Variants in BIN3 observed in about 807,000 individuals in gnomAD.
BIN3 encodes the protein bridging integrator 3.
A neutral mutation model predicts 38.2 loss-of-function variants in BIN3; 41 were observed. The observed-to-expected ratio is 1.07, with a 90% confidence interval of 0.84 to 1.39. The LOEUF (loss-of-function observed/expected upper bound fraction) is 1.39. Among genes scored for constraint, BIN3 ranks in the 40% most tolerant of loss-of-function variants. BIN3 has a pLI of 0.00. For missense variants in BIN3, 361 were observed against 324.3 expected (o/e 1.11, Z -0.87); for synonymous variants, 145 against 122.6 (o/e 1.18, Z -1.21).
intron 4 of BIN3, 68 bp from the exon 5 acceptor site, chr8:22,630,646 C>G: frequency 1.3e-6 from 2 of 1,578,614 alleles, no homozygotes; most frequent in Non-Finnish European, 1.7e-6. Context: ...TCTCCAGGAC[C>G]CCGTCCTCCT....
At chr8:22,621,602 C>T (rs1403536161) in intron 8 of BIN3, 34 bp from the exon 9 acceptor site, 1 of 1,605,750 alleles carries the variant, frequency 6.2e-7, no homozygotes, top group Non-Finnish European at 8.5e-7. Flanking sequence ...CACGTGCTGG[C>T]TCCAGGGAAC....
intron 3 of BIN3, 56 bp from the exon 4 acceptor site, chr8:22,636,642 A>G (rs767784073): frequency 5.9e-6 from 9 of 1,519,720 alleles, no homozygotes; most frequent in Non-Finnish European, 8.0e-6. Context: ...TACCTGAGCG[A>G]AGCCCAGGTG....
chr8:22,623,349 C>T (rs955090696), intron 8 of BIN3, among the ~76,000 whole-genome samples: 2 of 152,200 alleles, frequency 1.3e-5, no homozygotes, highest in South Asian at 2.1e-4. Context: ...GTGTCTGACC[C>T]CCAGTGGCGC....
intron 1 of BIN3, among the ~76,000 whole-genome samples, chr8:22,652,148 CT>C (rs1338989799): frequency 1.3e-5 from 2 of 151,994 alleles, no homozygotes; most frequent in Non-Finnish European, 2.9e-5. Flanking sequence ...TTCTTCTTCC[CT>C]TTATAGTTTC....
chr8:22,632,794 C>T (rs1301409123), intron 4 of BIN3, among the ~76,000 whole-genome samples: 1 of 151,330 alleles, frequency 6.6e-6, no homozygotes, highest in Admixed American at 6.6e-5. Context: ...CTGCATCCTC[C>T]GCCTCCTGGC....
chr8:22,625,546 C>T, intron 6 of BIN3: 1 of 641,366 alleles, frequency 1.6e-6, no homozygotes, highest in South Asian at 1.7e-5. Context: ...AGCTCAGCTA[C>T]CACACAGAGC....
intron 1 of BIN3, among the ~76,000 whole-genome samples, chr8:22,652,844 T>G (rs1306251643): frequency 6.6e-6 from 1 of 152,240 alleles, no homozygotes; most frequent in Non-Finnish European, 1.5e-5. Flanking sequence ...CCTACATTTT[T>G]GGGCTGCTTA....
intron 8 of BIN3, 112 bp from the exon 9 acceptor site, chr8:22,621,680 T>G: frequency 8.9e-7 from 1 of 1,129,734 alleles, no homozygotes; most frequent in Non-Finnish European, 1.3e-6. Context: ...TCTGGAGCTG[T>G]GCAGCAGCGT....
chr8:22,651,621 A>C (rs1802893765), intron 1 of BIN3, among the ~76,000 whole-genome samples: 1 of 152,208 alleles, frequency 6.6e-6, no homozygotes, highest in Non-Finnish European at 1.5e-5. Flanking sequence ...TTTCAAAGGC[A>C]TTGCTCCCCT....
chr8:22,668,846 C>A (rs1251950622), intron 1 of BIN3, among the ~76,000 whole-genome samples, 198 bp downstream of exon 1: 1 of 152,264 alleles, frequency 6.6e-6, no homozygotes, highest in Non-Finnish European at 1.5e-5. Context: ...ATCCGCCACT[C>A]TCCCCGGGAG....
At position 22,663,440 on chromosome 8, in the gene BIN3, TAAAAAAA is replaced by T. The variant is rs35060338; in HGVS notation, c.8+5597_8+5603del. Among the ~76,000 whole-genome samples the T allele has an allele frequency of 1.0e-3, 129 of 128,656 alleles. 1 individual carries two copies. The highest frequency in any genetic ancestry group is 3.9e-3 in the Middle Eastern group (1 of 254). The allele number at this position is 128,656 out of a possible 152,430, so 84.4% of individuals were successfully genotyped here. ...CAACAGTGAGACCCCCCGATTTGTT[TAAAAAAA>T]AAAAAAAAAAAAAAAGGAAACTATT... On this transcript the variant is annotated intron_variant, in intron 1 of 8. Transcript: ENST00000276416.
intron 6 of BIN3, chr8:22,629,699 A>AG: frequency 1.8e-6 from 1 of 559,488 alleles, no homozygotes. Context: ...AATGACCACC[A>AG]GAACAGCGGC....
At chr8:22,631,381 T>C (rs942641435) in intron 4 of BIN3, among the ~76,000 whole-genome samples, 2 of 152,142 alleles carry the variant, frequency 1.3e-5, no homozygotes, top group African/African-American at 4.8e-5. Context: ...CCTGGGGACT[T>C]GTACGGGACA....
intron 6 of BIN3, chr8:22,625,915 G>C (rs1563944713): frequency 8.2e-6 from 1 of 122,576 alleles, no homozygotes; most frequent in African/African-American, 2.8e-5. Flanking sequence ...AGCAAATCAA[G>C]TGTACATTTG....
At chr8:22,635,644 C>T (rs1802343798) in intron 4 of BIN3, among the ~76,000 whole-genome samples, 1 of 152,122 alleles carries the variant, frequency 6.6e-6, no homozygotes, top group African/African-American at 2.4e-5. Flanking sequence ...CAGCAACAGC[C>T]TGTGCCACTC....
rs981997246 is a variant in BIN3 at position 22,668,010 on chromosome 8, A to G, written c.8+1034T>C. Among the ~76,000 whole-genome samples the G allele has an allele frequency of 5.3e-5, 8 of 152,334 alleles. No individual in the cohort carries two copies. In the South Asian group the frequency reaches 1.7e-3, roughly 32 times the overall value. On this transcript the variant is annotated intron_variant, in intron 1 of 8. Transcript: ENST00000276416. ...GCATAAACAAACACACTAGCCTCTG[A>G]GGACAGAGTGGCAAATATGTTCCCT...
In BIN3 at chr8:22,659,977, AC is replaced by A. The variant is rs1326417166; in HGVS notation, c.8+9066del. On this transcript the variant is annotated intron_variant, in intron 1 of 8. Coordinates refer to ENST00000276416, the MANE Select transcript of BIN3 (RefSeq NM_018688.6). ...GAAGTTACAGAGATTAAGTATACTC[AC>A]CCCCCAAGAATGGTTAGGAAACCTG... Among the ~76,000 whole-genome samples the A allele has an allele frequency of 3.9e-5, 6 of 152,060 alleles. No homozygotes were observed. In the East Asian group the frequency reaches 7.7e-4, roughly 20 times the overall value.
intron 1 of BIN3, among the ~76,000 whole-genome samples, chr8:22,659,634 T>C (rs1203633821): frequency 1.3e-5 from 2 of 152,208 alleles, no homozygotes; most frequent in African/African-American, 4.8e-5. Context: ...TGTCCACTCC[T>C]GCACTTCACA....
chr8:22,664,634 G>C lies in BIN3; in HGVS notation c.8+4410C>G, dbSNP rs62494266. Among the ~76,000 whole-genome samples, 277 of 152,382 alleles carry C rather than the reference G, an allele frequency of 1.8e-3. 1 individual carries two copies. Among genetic ancestry groups the C allele is most frequent in the Non-Finnish European group, 3.0e-3 (207 of 68,042 alleles). The stretch of plus-strand genomic sequence containing the variant: ...AAACTCCGTGATCCAATCAGCTTGG[G>C]AATGGTCTGCTACTCTTCTAATATT... On this transcript the variant is annotated intron_variant, in intron 1 of 8. Coordinates refer to ENST00000276416, the MANE Select transcript of BIN3 (RefSeq NM_018688.6).
Sources: gnomAD v4.1 joint callset for allele counts (sites outside exome capture counted in the v4.1 genomes callset) on GRCh38, gnomAD v4.1.1 for gene constraint, MANE v1.5 for transcripts, NCBI Gene and HGNC (gene_info 2026-07-23, HGNC 2026-07-21) for gene names.